KLHL4: variants seen among roughly 807,000 people sequenced by gnomAD.
KLHL4 encodes the protein kelch-like protein 4.
In KLHL4, 17 loss-of-function variants were observed where a neutral mutation model predicts 45.8. The observed-to-expected ratio is 0.37, with a 90% CI of 0.25 to 0.56. The LOEUF (loss-of-function observed/expected upper bound fraction) is 0.56. Ranked by LOEUF, KLHL4 falls within the 20% of genes least tolerant of loss-of-function variation. KLHL4 has a pLI of 0.79. For missense variants in KLHL4, 544 were observed against 544.9 expected, an observed-to-expected ratio of 1.00 and a Z score of 0.02; for synonymous variants, 224 against 189.9, an observed-to-expected ratio of 1.18 and a Z score of -1.47.
At chrX:87,578,842 G>C (rs1229437111) in intron 1 of KLHL4, among the ~76,000 whole-genome samples, 1 of 111,878 alleles carries the variant, frequency 8.9e-6, no homozygotes. Flanking sequence ...AAAAAAAATG[G>C]GGGTAGTTGG....
At chrX:87,658,050 A>T (rs191213057) in intron 9 of KLHL4, among the ~76,000 whole-genome samples, 1 of 112,034 alleles carries the variant, frequency 8.9e-6, no homozygotes, top group Middle Eastern at 4.2e-3. Flanking sequence ...CACCCTGCAG[A>T]GCTCCCTCCT....
At chrX:87,521,438 G>A (rs941564893) in intron 1 of KLHL4, among the ~76,000 whole-genome samples, 3 of 111,550 alleles carry the variant, frequency 2.7e-5, no homozygotes, top group Non-Finnish European at 5.6e-5. Context: ...TCAAAACAGA[G>A]AAATCTGTTT....
At position 87,552,026 on chromosome X, in the gene KLHL4, G is replaced by T. The variant is rs181807419; in HGVS notation, c.422+33711G>T. 4.1e-3 allele frequency among the ~76,000 whole-genome samples: 460 copies of T among 111,218 alleles called. 6 individuals carry two copies. The highest frequency in any genetic ancestry group is 0.014 in the African/African-American group (444 of 30,765). ...CATGATCAAGAACTCAAAAGCAAATGCAATAAAAACAAATAGCTTGGGACT... is the reference window on the plus strand; with the variant it reads ...CATGATCAAGAACTCAAAAGCAAATTCAATAAAAACAAATAGCTTGGGACT... On this transcript the variant is annotated intron_variant, in intron 1 of 10. Coordinates refer to ENST00000373119, the MANE Select transcript of KLHL4 (RefSeq NM_019117.5).
Position 87,662,822 on chromosome X carries a change from T to C in KLHL4, c.1926-1942T>C, listed in dbSNP as rs190322778. Among the ~76,000 whole-genome samples, 176 of 106,899 alleles carry C rather than the reference T, an allele frequency of 1.6e-3. 2 individuals are homozygous for C. The East Asian group carries it at 0.046, about 28-fold the overall frequency. The allele number at this position is 106,899 out of a possible 115,157, so 92.8% of individuals were successfully genotyped here. On this transcript the variant is annotated intron_variant, in intron 9 of 10. Transcript: ENST00000373119. Reference sequence around the variant, plus strand: ...GCGGGCGCCTGTAGTCCCAGCTACTTGGGAGGCTGAGGCAGGAGAATGGCG... The same window carrying C: ...GCGGGCGCCTGTAGTCCCAGCTACTCGGGAGGCTGAGGCAGGAGAATGGCG...
chrX:87,622,426 A>G lies in KLHL4; in HGVS notation c.1137+3A>G. The G allele has an allele frequency of 8.8e-7, 1 of 1,142,412 alleles. No individual in the cohort carries two copies. Among genetic ancestry groups the G allele is most frequent in the Non-Finnish European group, 1.2e-6 (1 of 841,664 alleles). 94.1% of individuals were successfully genotyped at this position (1,142,412 alleles called of 1,213,427 possible). A position where few individuals can be genotyped will look rare whatever the true frequency, so the allele number is the denominator to read the frequency against. On this transcript the variant is annotated splice_donor_region_variant and intron_variant, in intron 5 of 10. Coordinates refer to ENST00000373119, the MANE Select transcript of KLHL4 (RefSeq NM_019117.5). ...GACTGCCATTACTCCCACCACAGGT[A>G]TGGAAAATTACCTAGGTAATTTAAA...
intron 1 of KLHL4, among the ~76,000 whole-genome samples, chrX:87,532,020 G>A (rs1370302472): frequency 6.4e-5 from 7 of 108,729 alleles, no homozygotes; most frequent in Admixed American, 4.0e-4. Flanking sequence ...AGCCCGCATC[G>A]CCAAGTCAAT....
intron 8 of KLHL4, among the ~76,000 whole-genome samples, chrX:87,634,663 G>A (rs1024561416): frequency 1.7e-4 from 19 of 111,893 alleles, no homozygotes; most frequent in African/African-American, 5.5e-4. Flanking sequence ...AAATGTCAAC[G>A]CATTGTTTTT....
intron 6 of KLHL4, among the ~76,000 whole-genome samples, chrX:87,626,651 T>A (rs867054189): frequency 8.0e-5 from 8 of 100,488 alleles, no homozygotes; most frequent in African/African-American, 7.1e-5. Flanking sequence ...TATGTAGCTT[T>A]AAAAAAAAAA....
chrX:87,600,673 A>AT (rs1921991071), intron 1 of KLHL4, among the ~76,000 whole-genome samples: 1 of 110,972 alleles, frequency 9.0e-6, no homozygotes. Flanking sequence ...CCAATTAAAC[A>AT]TTTTTTTCTT....
intron 1 of KLHL4, among the ~76,000 whole-genome samples, chrX:87,588,015 G>T (rs1921537597): frequency 9.0e-6 from 1 of 111,109 alleles, no homozygotes; most frequent in Non-Finnish European, 1.9e-5. Flanking sequence ...ACAGTGTGAA[G>T]AATCTGAAAA....
At chrX:87,518,675 A>C (rs940539162) in intron 1 of KLHL4, among the ~76,000 whole-genome samples, 2 of 111,737 alleles carry the variant, frequency 1.8e-5, no homozygotes, top group Non-Finnish European at 3.8e-5. Flanking sequence ...ATCACGGAGA[A>C]CTCTTTCTGA....
At chrX:87,595,913 T>C (rs1381558869) in intron 1 of KLHL4, among the ~76,000 whole-genome samples, 1 of 111,759 alleles carries the variant, frequency 8.9e-6, no homozygotes, top group Admixed American at 9.6e-5. Context: ...TCAAATTTAA[T>C]TCTCCAATGT....
intron 9 of KLHL4, among the ~76,000 whole-genome samples, chrX:87,656,573 A>T (rs1431329584): frequency 9.3e-6 from 1 of 107,891 alleles, no homozygotes; most frequent in Non-Finnish European, 1.9e-5. Flanking sequence ...TCTTTGGCAA[A>T]TTTATCATTC....
intron 1 of KLHL4, among the ~76,000 whole-genome samples, chrX:87,608,993 A>G (rs1354177839): frequency 9.1e-6 from 1 of 110,370 alleles, no homozygotes; most frequent in Non-Finnish European, 1.9e-5. Flanking sequence ...ATTCCCACCT[A>G]TGAGTGAGAA....
intron 1 of KLHL4, among the ~76,000 whole-genome samples, chrX:87,580,752 A>G (rs1397314945): frequency 8.9e-6 from 1 of 112,543 alleles, no homozygotes; most frequent in African/African-American, 3.2e-5. Context: ...AGATAGCAAT[A>G]CAATTGTAGG....
At chrX:87,532,149 T>A (rs926125009) in intron 1 of KLHL4, among the ~76,000 whole-genome samples, 1 of 109,472 alleles carries the variant, frequency 9.1e-6, no homozygotes, top group African/African-American at 3.3e-5. Context: ...GCTTTCTACA[T>A]ATGGCTAGCC....
chrX:87,634,500 A>G (rs1923197087), intron 8 of KLHL4, among the ~76,000 whole-genome samples: 1 of 111,845 alleles, frequency 8.9e-6, no homozygotes, highest in Admixed American at 9.5e-5. Context: ...GCTTTCTGAC[A>G]AGGGAACTTT....
chrX:87,612,845 G>T (rs1922427424), intron 1 of KLHL4, among the ~76,000 whole-genome samples: 1 of 110,727 alleles, frequency 9.0e-6, no homozygotes, highest in South Asian at 3.8e-4. Context: ...AAAAGATTAG[G>T]ATAATTTGAG....
In KLHL4 at chrX:87,614,029, G is replaced by T; in HGVS notation, c.575G>T (p.Arg192Leu). ...CDVLLIAGHL[R>L]IPAHRLVLSA... ...GTGCTACTGATTGCAGGACACCTCC[G>T]CATCCCAGCCCATAGGTAAGTATTT... The change falls in exon 2 of 11, where the codon CGC becomes CTC. Residue 192 changes from arginine (R) to leucine (L), a missense_variant. Physicochemically the swap from Arg to Leu is moderately radical, Grantham distance 102 (BLOSUM62 -2). Transcript: ENST00000373119. The T allele has an allele frequency of 8.3e-7, 1 of 1,200,135 alleles. No individual in the cohort carries two copies. Among genetic ancestry groups the T allele is most frequent in the Non-Finnish European group, 1.1e-6 (1 of 889,475 alleles).
Sources: allele counts gnomAD v4.1 joint callset (sites outside exome capture counted in the v4.1 genomes callset), GRCh38; gene constraint gnomAD v4.1.1; transcripts MANE v1.5; gene names NCBI Gene and HGNC (gene_info 2026-07-23, HGNC 2026-07-21).